The following SATB1 variants were observed in gnomAD, a reference collection of about 807,000 sequenced individuals.
The protein encoded by SATB1 is SATB homeobox 1.
Under a neutral mutation model 86.9 loss-of-function variants are expected in SATB1, and 11 were observed. That is an observed-to-expected ratio of 0.13 (90% CI 0.08 to 0.21). SATB1 has a LOEUF of 0.21. Ranked by LOEUF, SATB1 falls within the 10% of genes least tolerant of loss-of-function variation. The probability of loss-of-function intolerance (pLI) is 1.00; values close to 1 mark genes in which losing one functional copy is unlikely to be tolerated. For synonymous variants in SATB1, 357 were observed against 357.2 expected (o/e 1.00, Z 0.01); for missense variants, 551 against 937.6 (o/e 0.59, Z 5.39).
intron 2 of SATB1, chr3:18,417,828 G>T: frequency 1.8e-6 from 1 of 564,182 alleles, no homozygotes; most frequent in Non-Finnish European, 3.1e-6. Context: ...AGGTAAAAAT[G>T]AGAGATAGAA....
chr3:18,345,909 T>A lies in SATB1; in HGVS notation c.*3261A>T, dbSNP rs746018197. 7 of 152,268 alleles carry A rather than the reference T, an allele frequency of 4.6e-5. No individual in the cohort carries two copies. Among genetic ancestry groups the A allele is most frequent in the African/African-American group, 1.2e-4 (5 of 41,588 alleles). 9.4% of individuals were successfully genotyped at this position (152,268 alleles called of 1,614,324 possible). On this transcript the variant is annotated 3_prime_UTR_variant, in exon 11 of 11. Transcript: ENST00000338745. Reference sequence around the variant, plus strand: ...GGGCAGAATTTAATAATGGAATGTATGGGATTCTCATTTTTACTCAATCTT... The same window carrying A: ...GGGCAGAATTTAATAATGGAATGTAAGGGATTCTCATTTTTACTCAATCTT...
At chr3:18,351,145 T>C (rs2125126856) in intron 10 of SATB1, 1 of 654,048 alleles carries the variant, frequency 1.5e-6, no homozygotes, top group East Asian at 2.8e-5. Context: ...ACAAGTCCCA[T>C]GACATGACAA....
At chr3:18,367,801 G>A (rs916029068) in intron 9 of SATB1, among the ~76,000 whole-genome samples, 1 of 152,072 alleles carries the variant, frequency 6.6e-6, no homozygotes. Flanking sequence ...ACACAAAAAT[G>A]TTTGCAAACA....
chr3:18,390,812 G>A (rs1424459308), intron 7 of SATB1, among the ~76,000 whole-genome samples: 3 of 152,106 alleles, frequency 2.0e-5, no homozygotes, highest in Non-Finnish European at 4.4e-5. Flanking sequence ...GTTAAACTCT[G>A]AATTTTATTC....
At chr3:18,361,963 T>A (rs1694924265) in intron 9 of SATB1, among the ~76,000 whole-genome samples, 2 of 152,172 alleles carry the variant, frequency 1.3e-5, no homozygotes, top group Non-Finnish European at 1.5e-5. Context: ...ATGGATAATT[T>A]TATGTTTTTC....
rs955930571 is a variant in SATB1, at chr3:18,423,723, T to C, written c.-121A>G. On this transcript the variant is annotated 5_prime_UTR_variant, in exon 1 of 11. Coordinates refer to ENST00000338745, the MANE Select transcript of SATB1 (RefSeq NM_002971.6). Reference sequence around the variant, plus strand: ...AGAAGTTCAAGACTGATGTTTTCTATGTCCTTTTTTTTTTTAATTAAAAAA... The same window carrying C: ...AGAAGTTCAAGACTGATGTTTTCTACGTCCTTTTTTTTTTTAATTAAAAAA... 3.2e-4 allele frequency: 42 copies of C among 133,068 alleles called. No homozygotes were observed. Among genetic ancestry groups the C allele is most frequent in the African/African-American group, 1.1e-3 (39 of 34,712 alleles). The allele number at this position is 133,068 out of a possible 1,614,324, so 8.2% of individuals were successfully genotyped here.
intron 4 of SATB1, 70 bp from the exon 5 acceptor site, chr3:18,415,304 A>G: frequency 6.4e-7 from 1 of 1,571,422 alleles, no homozygotes; most frequent in Non-Finnish European, 8.7e-7. Flanking sequence ...TTCCTTTAAG[A>G]CAGACAGATT....
chr3:18,367,788 A>C (rs1695258632), intron 9 of SATB1, among the ~76,000 whole-genome samples: 1 of 152,178 alleles, frequency 6.6e-6, no homozygotes, highest in African/African-American at 2.4e-5. Context: ...AAGAAATACA[A>C]ATACACAAAA....
At chr3:18,396,611 T>C (rs887285210) in intron 6 of SATB1, among the ~76,000 whole-genome samples, 1 of 152,184 alleles carries the variant, frequency 6.6e-6, no homozygotes, top group Non-Finnish European at 1.5e-5. Context: ...GATAGAATGC[T>C]ACCTTGGAAT....
chr3:18,376,931 T>C (rs1050508010), intron 9 of SATB1, among the ~76,000 whole-genome samples: 2 of 152,204 alleles, frequency 1.3e-5, no homozygotes, highest in East Asian at 1.9e-4. Flanking sequence ...TGACAGTGAT[T>C]GAAGGGTAGG....
At position 18,444,520 on chromosome 3, in the gene SATB1, A is replaced by C; in HGVS notation, c.-25+998T>G. 1 of 933,440 alleles carries C rather than the reference A, an allele frequency of 1.1e-6. No individual in the cohort carries two copies. Among genetic ancestry groups the C allele is most frequent in the Non-Finnish European group, 1.3e-6 (1 of 782,490 alleles). The allele number at this position is 933,440 out of a possible 1,614,324, so 57.8% of individuals were successfully genotyped here. A position where few individuals can be genotyped will look rare whatever the true frequency, so the allele number is the denominator to read the frequency against. On this transcript the variant is annotated intron_variant, in intron 1 of 3. Coordinates refer to the SATB1 transcript ENST00000415069. The surrounding 1 kb of genome is among the most constrained non-coding windows in gnomAD (Gnocchi z 5.1). Reference sequence around the variant, plus strand: ...GGACGAGGAGTGGGTGCTACGGAGAAGTTTGGATTGATTCCGGAAAAAGAG... The same window carrying C: ...GGACGAGGAGTGGGTGCTACGGAGACGTTTGGATTGATTCCGGAAAAAGAG...
At chr3:18,384,852 G>GT (rs1696249697) in intron 8 of SATB1, among the ~76,000 whole-genome samples, 1 of 152,100 alleles carries the variant, frequency 6.6e-6, no homozygotes, top group Non-Finnish European at 1.5e-5. Flanking sequence ...GGGCAGGTGG[G>GT]TGTGTACATA....
chr3:18,374,580 G>A (rs922448251), intron 9 of SATB1, among the ~76,000 whole-genome samples: 1 of 152,120 alleles, frequency 6.6e-6, no homozygotes, highest in African/African-American at 2.4e-5. Context: ...AGCACAAAAA[G>A]TAGCCTACCT....
chr3:18,415,341 C>G (rs1007363114), intron 4 of SATB1, 107 bp from the exon 5 acceptor site: 2 of 1,264,816 alleles, frequency 1.6e-6, no homozygotes, highest in African/African-American at 3.0e-5. Flanking sequence ...ACAGATGCAT[C>G]TGGAGATTGC....
intron 7 of SATB1, among the ~76,000 whole-genome samples, chr3:18,390,194 G>C (rs563325619): frequency 2.0e-5 from 3 of 152,124 alleles, no homozygotes. Context: ...CAAAAAGGCT[G>C]TCTGGCCTCC....
At chr3:18,423,173 G>A (rs1698479071) in intron 1 of SATB1, among the ~76,000 whole-genome samples, 2 of 152,176 alleles carry the variant, frequency 1.3e-5, no homozygotes, top group South Asian at 2.1e-4. Flanking sequence ...ACAGATGCCA[G>A]GCTGAAGAGT....
At chr3:18,367,989 T>C (rs1292663950) in intron 9 of SATB1, among the ~76,000 whole-genome samples, 2 of 152,216 alleles carry the variant, frequency 1.3e-5, no homozygotes, top group Non-Finnish European at 2.9e-5. Context: ...TCAGGGTTAT[T>C]AAAGCAAGGG....
chr3:18,353,840 CCTATT>C (rs1182084984), intron 9 of SATB1, among the ~76,000 whole-genome samples: 12 of 152,162 alleles, frequency 7.9e-5, no homozygotes, highest in Non-Finnish European at 1.6e-4. Context: ...TACTAGTATT[CCTATT>C]CAACATGTCT....
At chr3:18,362,703 A>G (rs111351385) in intron 9 of SATB1, among the ~76,000 whole-genome samples, 4,429 of 151,958 alleles carry the variant, frequency 0.029, 198 homozygotes, top group African/African-American at 0.1. Context: ...AAATTTCTTA[A>G]CCCAAATGAG....
Sources: gnomAD v4.1 joint callset for allele counts (sites outside exome capture counted in the v4.1 genomes callset) on GRCh38, gnomAD v4.1.1 for gene constraint, Gnocchi (gnomAD v3.1) non-coding constraint, MANE v1.5 for transcripts, NCBI Gene and HGNC (gene_info 2026-07-23, HGNC 2026-07-21) for gene names.